The following TRABD2B variants were observed in gnomAD, a reference collection of about 807,000 sequenced individuals.
TRABD2B encodes metalloprotease TIKI2.
Under a neutral mutation model 40.1 loss-of-function variants are expected in TRABD2B, and 14 were observed. The observed-to-expected ratio is 0.35, with a 90% confidence interval of 0.23 to 0.55. The LOEUF is 0.55. Among genes scored for constraint, TRABD2B ranks in the 20% least tolerant of loss-of-function variants. The probability of loss-of-function intolerance (pLI) is 0.90; values close to 1 mark genes in which losing one functional copy is unlikely to be tolerated. For missense variants in TRABD2B, 541 were observed against 648.6 expected, an observed-to-expected ratio of 0.83 and a Z score of 1.80; for synonymous variants, 263 against 277.0, an observed-to-expected ratio of 0.95 and a Z score of 0.50.
intron 2 of TRABD2B, among the ~76,000 whole-genome samples, chr1:47,959,191 T>C (rs1238196871): frequency 1.3e-5 from 2 of 151,986 alleles, no homozygotes; most frequent in Non-Finnish European, 1.5e-5. Context: ...CATAACAGAA[T>C]CTCTGGGACA....
At chr1:47,782,760 A>G (rs1372179558) in intron 4 of TRABD2B, among the ~76,000 whole-genome samples, 8 of 152,106 alleles carry the variant, frequency 5.3e-5, no homozygotes, top group Non-Finnish European at 7.4e-5. Context: ...GACAGGAACC[A>G]TGCTTGCCTC....
chr1:47,874,867 G>C (rs1332250855), intron 2 of TRABD2B, among the ~76,000 whole-genome samples: 2 of 152,086 alleles, frequency 1.3e-5, no homozygotes, highest in Admixed American at 6.6e-5. Context: ...ACAGGAGTGA[G>C]CCACTGTGCC....
chr1:47,811,875 G>C (rs937688358), intron 2 of TRABD2B, among the ~76,000 whole-genome samples: 12 of 152,224 alleles, frequency 7.9e-5, no homozygotes, highest in African/African-American at 2.9e-4. Flanking sequence ...ACCTATTCCA[G>C]GAGCCCAACA....
chr1:47,766,438 T>C (rs1314689645), intron 6 of TRABD2B, among the ~76,000 whole-genome samples: 3 of 152,064 alleles, frequency 2.0e-5, no homozygotes, highest in Non-Finnish European at 4.4e-5. Flanking sequence ...AGATCTGGGG[T>C]ACCATGGGGT....
chr1:47,928,217 T>C (rs931985417), intron 2 of TRABD2B, among the ~76,000 whole-genome samples: 1 of 152,190 alleles, frequency 6.6e-6, no homozygotes, highest in Admixed American at 6.5e-5. Context: ...CAAGTAGCAG[T>C]GCAGTGCAAA....
At chr1:47,943,098 C>A (rs914006103) in intron 2 of TRABD2B, among the ~76,000 whole-genome samples, 3 of 152,182 alleles carry the variant, frequency 2.0e-5, no homozygotes, top group African/African-American at 4.8e-5. Context: ...TCTCTCTGAG[C>A]CTTGGTTCCC....
At chr1:47,852,469 C>T (rs951894310) in intron 2 of TRABD2B, among the ~76,000 whole-genome samples, 3 of 152,196 alleles carry the variant, frequency 2.0e-5, no homozygotes, top group Non-Finnish European at 4.4e-5. Flanking sequence ...TTTCAGAGAG[C>T]TGGAAGCAGG....
intron 2 of TRABD2B, among the ~76,000 whole-genome samples, chr1:47,829,278 C>T (rs1013306227): frequency 2.0e-5 from 3 of 152,088 alleles, no homozygotes; most frequent in Non-Finnish European, 4.4e-5. Flanking sequence ...GGAGCAGTCT[C>T]CAGCCAGTTC....
chr1:47,920,878 C>A (rs1405100487), intron 2 of TRABD2B, among the ~76,000 whole-genome samples: 2 of 152,114 alleles, frequency 1.3e-5, no homozygotes. Flanking sequence ...AATGGCCTGG[C>A]AAGGGGAAGG....
intron 2 of TRABD2B, among the ~76,000 whole-genome samples, chr1:47,871,705 C>G (rs1241149994): frequency 6.6e-6 from 1 of 152,142 alleles, no homozygotes; most frequent in Admixed American, 6.5e-5. Context: ...GCAGTGGTTC[C>G]CAGTGAGCTG....
At chr1:47,935,768 T>A (rs1159828902) in intron 2 of TRABD2B, among the ~76,000 whole-genome samples, 5 of 152,236 alleles carry the variant, frequency 3.3e-5, no homozygotes, top group Non-Finnish European at 7.3e-5. Context: ...AACCCCAATA[T>A]TTAGATATCT....
Position 47,996,937 on chromosome 1 carries a change from C to G in TRABD2B, c.-148G>C, listed in dbSNP as rs1646102093. On this transcript the variant is annotated 5_prime_UTR_variant, in exon 1 of 7. Transcript: ENST00000606738. This position sits in a 1 kb window ranked among gnomAD's most constrained non-coding sequence, Gnocchi z 4.6. ...CGCCCTCTGGGGCGTGGCTGACTGT[C>G]CCTGTCGGACCTGGGGGTTTCTCTG... 8.9e-7 allele frequency: 1 copy of G among 1,119,150 alleles called. No homozygotes were observed. The highest frequency in any genetic ancestry group is 1.7e-5 in the African/African-American group (1 of 60,578). 69.3% of individuals were successfully genotyped at this position (1,119,150 alleles called of 1,614,324 possible). A position where few individuals can be genotyped will look rare whatever the true frequency, so the allele number is the denominator to read the frequency against.
chr1:47,778,894 C>G (rs1015942849), intron 4 of TRABD2B, among the ~76,000 whole-genome samples: 2 of 152,216 alleles, frequency 1.3e-5, no homozygotes, highest in Non-Finnish European at 2.9e-5. Flanking sequence ...CCTGGTGCAT[C>G]TCTGTGCCTC....
chr1:47,953,928 G>A lies in TRABD2B; in HGVS notation c.666+40106C>T, dbSNP rs79334502. Among the ~76,000 whole-genome samples the A allele has an allele frequency of 1.2e-4, 19 of 152,300 alleles. No individual in the cohort carries two copies. The East Asian group carries it at 3.5e-3, about 28-fold the overall frequency. On this transcript the variant is annotated intron_variant, in intron 2 of 6. Coordinates refer to ENST00000606738, the MANE Select transcript of TRABD2B (RefSeq NM_001194986.2). ...ACATGAATTCGGAGAATCAGACAAC[G>A]TGAGCTCCCTTCTGTCTGAGTGGCC...
chr1:47,769,303 G>C (rs1267520408), intron 6 of TRABD2B, among the ~76,000 whole-genome samples: 1 of 152,242 alleles, frequency 6.6e-6, no homozygotes, highest in East Asian at 1.9e-4. Flanking sequence ...AGGACAGCAG[G>C]CTGGTGTGCC....
intron 2 of TRABD2B, among the ~76,000 whole-genome samples, chr1:47,933,429 C>T (rs1403509023): frequency 6.6e-6 from 1 of 152,148 alleles, no homozygotes; most frequent in Non-Finnish European, 1.5e-5. Context: ...TCATTCTTTA[C>T]CTTGCACTTT....
chr1:47,965,990 C>T (rs1645596554), intron 2 of TRABD2B, among the ~76,000 whole-genome samples: 1 of 152,134 alleles, frequency 6.6e-6, no homozygotes, highest in Admixed American at 6.6e-5. Context: ...AACAAAAAGC[C>T]CCAGCTGCAC....
intron 2 of TRABD2B, among the ~76,000 whole-genome samples, chr1:47,828,483 A>C (rs1186835463): frequency 6.6e-6 from 1 of 152,228 alleles, no homozygotes; most frequent in Admixed American, 6.5e-5. Flanking sequence ...AGGGCCGCTC[A>C]GTCAGCAGCT....
At chr1:47,865,381 A>G (rs564270852) in intron 2 of TRABD2B, among the ~76,000 whole-genome samples, 1 of 151,982 alleles carries the variant, frequency 6.6e-6, no homozygotes, top group Admixed American at 6.5e-5. Flanking sequence ...CGCAGTACTG[A>G]TTTATAGGGA....
Sources: gnomAD v4.1 joint callset for allele counts (sites outside exome capture counted in the v4.1 genomes callset) on GRCh38, gnomAD v4.1.1 for gene constraint, Gnocchi (gnomAD v3.1) non-coding constraint, MANE v1.5 for transcripts, NCBI Gene and HGNC (gene_info 2026-07-23, HGNC 2026-07-21) for gene names.